TAS2R1: variants seen among roughly 807,000 people sequenced by gnomAD.
TAS2R1 encodes the protein taste receptor type 2 member 1.
For synonymous variants in TAS2R1, 141 were observed against 134.2 expected, an observed-to-expected ratio of 1.05 and a Z score of -0.35; for missense variants, 370 against 353.4, an observed-to-expected ratio of 1.05 and a Z score of -0.38.
chr5:9,689,478 T>C (rs1406479662), intron 1 of TAS2R1, among the ~76,000 whole-genome samples: 1 of 152,186 alleles, frequency 6.6e-6, no homozygotes, highest in Non-Finnish European at 1.5e-5. Flanking sequence ...TTCAGAGCTA[T>C]GGCCGCAGGG....
chr5:9,634,664 C>A (rs1475613211), upstream of TAS2R1, among the ~76,000 whole-genome samples: 1 of 151,964 alleles, frequency 6.6e-6, no homozygotes, highest in Admixed American at 6.6e-5. Context: ...TCTTTCACCT[C>A]CTTGGTTAGG....
chr5:9,753,011 G>C, the TAS2R1 span, among the ~76,000 whole-genome samples: 2 of 152,148 alleles, frequency 1.3e-5, no homozygotes, highest in Non-Finnish European at 2.9e-5. Context: ...ATAAACATAC[G>C]TGTGCATGTG....
the TAS2R1 span, among the ~76,000 whole-genome samples, chr5:9,793,415 G>T: frequency 5.2e-4 from 79 of 152,298 alleles, no homozygotes; most frequent in Non-Finnish European, 8.2e-4. Context: ...AACTAAGAAA[G>T]AGAAAACTAA....
chr5:9,698,159 C>T (rs951978251), intron 1 of TAS2R1, among the ~76,000 whole-genome samples: 1 of 151,946 alleles, frequency 6.6e-6, no homozygotes, highest in African/African-American at 2.4e-5. Flanking sequence ...AAATAAGGAA[C>T]AAAAGGCTAT....
At chr5:9,634,369 T>C (rs566733324), upstream of TAS2R1, among the ~76,000 whole-genome samples, 6 of 152,228 alleles carry the variant, frequency 3.9e-5, no homozygotes, top group Admixed American at 2.0e-4. Flanking sequence ...TGAAGTCAGG[T>C]TATGTGATGC....
At chr5:9,837,099 G>C in the TAS2R1 span, among the ~76,000 whole-genome samples, 1 of 152,114 alleles carries the variant, frequency 6.6e-6, no homozygotes, top group Non-Finnish European at 1.5e-5. Flanking sequence ...AACTTCCCTG[G>C]AATACTGTAG....
intron 1 of TAS2R1, among the ~76,000 whole-genome samples, chr5:9,696,118 G>A (rs1363995279): frequency 6.6e-6 from 1 of 151,808 alleles, no homozygotes; most frequent in Non-Finnish European, 1.5e-5. Flanking sequence ...CCTATGACCC[G>A]GTAGAGTCAA....
the TAS2R1 span, among the ~76,000 whole-genome samples, chr5:9,772,371 T>C: frequency 6.6e-6 from 1 of 152,146 alleles, no homozygotes; most frequent in Non-Finnish European, 1.5e-5. Context: ...GAGAAGATGC[T>C]TGATATCATT....
chr5:9,645,166 A>G (rs1740161459), intron 2 of TAS2R1, among the ~76,000 whole-genome samples: 1 of 152,182 alleles, frequency 6.6e-6, no homozygotes, highest in Non-Finnish European at 1.5e-5. Flanking sequence ...CAGAATACTT[A>G]CCAATCATTT....
chr5:9,854,514 T>C, the TAS2R1 span: 1 of 152,140 alleles, frequency 6.6e-6, no homozygotes, highest in South Asian at 2.1e-4. Context: ...GCCTCATCTA[T>C]CAGAGTTGTA....
At chr5:9,840,196 A>G in the TAS2R1 span, among the ~76,000 whole-genome samples, 1 of 152,208 alleles carries the variant, frequency 6.6e-6, no homozygotes, top group Non-Finnish European at 1.5e-5. Flanking sequence ...GACTGTCTGC[A>G]CAAGTGAGAT....
intron 1 of TAS2R1, among the ~76,000 whole-genome samples, chr5:9,687,937 T>A (rs968971845): frequency 6.6e-6 from 1 of 152,242 alleles, no homozygotes; most frequent in Non-Finnish European, 1.5e-5. Flanking sequence ...GAAGGCTCTG[T>A]GTATACACAT....
At chr5:9,855,063 G>A in the TAS2R1 span, among the ~76,000 whole-genome samples, 1 of 152,150 alleles carries the variant, frequency 6.6e-6, no homozygotes, top group African/African-American at 2.4e-5. Flanking sequence ...TGCCCTAATG[G>A]GACATGAAGG....
the TAS2R1 span, among the ~76,000 whole-genome samples, chr5:9,825,059 A>G: frequency 5.3e-5 from 8 of 152,190 alleles, no homozygotes; most frequent in Admixed American, 2.0e-4. Context: ...GCTTTCACTA[A>G]TCTCCAGCCT....
At chr5:9,804,628 C>A in the TAS2R1 span, among the ~76,000 whole-genome samples, 2 of 152,270 alleles carry the variant, frequency 1.3e-5, no homozygotes, top group Non-Finnish European at 2.9e-5. Flanking sequence ...AATTAAACAA[C>A]CTGTTCCTGA....
At chr5:9,719,781 G>T in the TAS2R1 span, among the ~76,000 whole-genome samples, 10 of 123,274 alleles carry the variant, frequency 8.1e-5, no homozygotes, top group African/African-American at 2.3e-4. Context: ...AGCCGGGCGT[G>T]GTGGCGGGCG....
the TAS2R1 span, among the ~76,000 whole-genome samples, chr5:9,837,494 T>C: frequency 5.9e-5 from 9 of 152,340 alleles, no homozygotes; most frequent in East Asian, 1.7e-3. Context: ...CCTAAATTGT[T>C]CCTGGATCTA....
chr5:9,656,944 A>G (rs574504726), intron 2 of TAS2R1, among the ~76,000 whole-genome samples: 3 of 152,326 alleles, frequency 2.0e-5, no homozygotes, highest in Admixed American at 2.0e-4. Context: ...AATAAATTAT[A>G]AATTACAATA....
chr5:9,839,311 G>A, the TAS2R1 span, among the ~76,000 whole-genome samples: 3 of 152,156 alleles, frequency 2.0e-5, no homozygotes, highest in Non-Finnish European at 2.9e-5. Context: ...AAACTGCCAT[G>A]TGAAAAGCAA....
Sources: allele counts gnomAD v4.1 joint callset (sites outside exome capture counted in the v4.1 genomes callset), GRCh38; gene constraint gnomAD v4.1.1; transcripts MANE v1.5; gene names NCBI Gene and HGNC (gene_info 2026-07-23, HGNC 2026-07-21).